Variants in DGLUCY observed in about 807,000 individuals in gnomAD.
The protein encoded by DGLUCY is D-glutamate cyclase, mitochondrial.
DGLUCY carries 58 observed loss-of-function variants against 58.5 expected under a neutral mutation model. That is an observed-to-expected ratio of 0.99 (90% CI 0.80 to 1.23). The LOEUF is 1.23. Among genes scored for constraint, DGLUCY ranks in the 50% most tolerant of loss-of-function variants. The pLI, the probability that DGLUCY is intolerant of heterozygous loss-of-function variation, is 0.00. For missense variants in DGLUCY, 779 were observed against 784.7 expected (o/e 0.99, Z 0.09); for synonymous variants, 325 against 314.1 (o/e 1.03, Z -0.37).
chr14:91,076,343 C>G (rs1410281895), intron 1 of DGLUCY, among the ~76,000 whole-genome samples: 2 of 152,144 alleles, frequency 1.3e-5, no homozygotes, highest in African/African-American at 2.4e-5. Context: ...TGCACATCCT[C>G]TCATGTACTT....
intron 1 of DGLUCY, among the ~76,000 whole-genome samples, chr14:91,146,158 C>T (rs1379959752): frequency 6.6e-6 from 1 of 152,216 alleles, no homozygotes; most frequent in Admixed American, 6.5e-5. Context: ...AGGCGTGTAC[C>T]ACCATGCCTG....
chr14:91,081,723 T>TTTTTA (rs1322493003), intron 1 of DGLUCY, among the ~76,000 whole-genome samples: 1 of 151,906 alleles, frequency 6.6e-6, no homozygotes, highest in Non-Finnish European at 1.5e-5. Flanking sequence ...TGTTTCTTTA[T>TTTTTA]TTTTATTTTA....
At chr14:91,201,683 A>G (rs11848046) in intron 11 of DGLUCY, among the ~76,000 whole-genome samples, 21,379 of 152,000 alleles carry the variant, frequency 0.14, 2,093 homozygotes, top group African/African-American at 0.28. Flanking sequence ...AGCTCAAGCT[A>G]TCTTCCCACC....
chr14:91,199,519 C>T (rs1030821365), intron 10 of DGLUCY, among the ~76,000 whole-genome samples: 1 of 152,140 alleles, frequency 6.6e-6, no homozygotes, highest in Non-Finnish European at 1.5e-5. Flanking sequence ...TCCCAAACTG[C>T]TGGGATTATA....
intron 1 of DGLUCY, among the ~76,000 whole-genome samples, chr14:91,068,113 A>C (rs867017959): frequency 6.9e-6 from 1 of 145,304 alleles, no homozygotes; most frequent in African/African-American, 2.8e-5. Context: ...ACACACACAC[A>C]CACCCCTTGC....
At chr14:91,104,231 T>C (rs992689251), upstream of DGLUCY, among the ~76,000 whole-genome samples, 1 of 150,786 alleles carries the variant, frequency 6.6e-6, no homozygotes, top group Admixed American at 6.6e-5. Flanking sequence ...CCCGGCTAAT[T>C]TTTTGTATTT....
At chr14:91,110,327 A>G (rs569288819), upstream of DGLUCY, among the ~76,000 whole-genome samples, 21 of 152,366 alleles carry the variant, frequency 1.4e-4, no homozygotes, top group Admixed American at 7.2e-4. Flanking sequence ...GCCTTAAGAA[A>G]AAATGGAAAA....
intron 1 of DGLUCY, among the ~76,000 whole-genome samples, chr14:91,146,734 G>A (rs896061593): frequency 6.6e-6 from 1 of 152,196 alleles, no homozygotes; most frequent in Non-Finnish European, 1.5e-5. Context: ...GCCCATGAGA[G>A]CAATCTTGAG....
chr14:91,135,580 G>A (rs1310285204), intron 1 of DGLUCY, among the ~76,000 whole-genome samples: 7 of 148,590 alleles, frequency 4.7e-5, no homozygotes, highest in Non-Finnish European at 7.4e-5. Flanking sequence ...AACCTGGGAG[G>A]CAGAGGTTGC....
At chr14:91,158,677 G>A (rs2047797064) in intron 2 of DGLUCY, among the ~76,000 whole-genome samples, 1 of 152,138 alleles carries the variant, frequency 6.6e-6, no homozygotes, top group African/African-American at 2.4e-5. Context: ...TCTGCAGTCA[G>A]CTAGTCATCC....
rs756245926 is a variant in DGLUCY at position 91,224,763 on chromosome 14, G to T, written c.1796G>T (p.Gly599Val). Residue 599 changes from glycine (G) to valine (V), a missense_variant, in exon 14 of 14, where the codon GGG becomes GTG. Coordinates refer to ENST00000256324, the MANE Select transcript of DGLUCY (RefSeq NM_001102368.3). ...VSGIVGMEVDGLPFHNTHAEM... is the reference protein window; with the variant it reads ...VSGIVGMEVDVLPFHNTHAEM... Reference sequence around the variant, plus strand: ...GGCATCGTGGGCATGGAGGTGGATGGGCTGCCCTTCCACAACACCCACGCC... The same window carrying T: ...GGCATCGTGGGCATGGAGGTGGATGTGCTGCCCTTCCACAACACCCACGCC... The T allele has an allele frequency of 6.2e-7, 1 of 1,613,734 alleles. No individual in the cohort carries two copies. The highest frequency in any genetic ancestry group is 8.5e-7 in the Non-Finnish European group (1 of 1,179,786).
At chr14:91,102,477 C>T (rs1357866963) in intron 1 of DGLUCY, among the ~76,000 whole-genome samples, 1 of 152,120 alleles carries the variant, frequency 6.6e-6, no homozygotes, top group Non-Finnish European at 1.5e-5. Context: ...TGCTGCCACC[C>T]CCTCCTCCTC....
intron 2 of DGLUCY, among the ~76,000 whole-genome samples, 158 bp downstream of exon 2, chr14:91,157,848 A>G (rs937498126): frequency 9.2e-5 from 14 of 152,212 alleles, no homozygotes; most frequent in African/African-American, 3.4e-4. Flanking sequence ...TTACATTTAC[A>G]TTAAAACAGT....
intron 1 of DGLUCY, among the ~76,000 whole-genome samples, chr14:91,074,104 A>AAAT (rs1555388266): frequency 1.0e-5 from 1 of 96,066 alleles, no homozygotes; most frequent in East Asian, 2.9e-4. Flanking sequence ...AAAAAAAAAA[A>AAAT]ATATATATAT....
intron 1 of DGLUCY, among the ~76,000 whole-genome samples, chr14:91,140,381 T>G (rs1223911153): frequency 1.3e-5 from 2 of 152,060 alleles, no homozygotes; most frequent in African/African-American, 4.8e-5. Context: ...CTAAAGAAAA[T>G]AATTTATGGG....
intron 12 of DGLUCY, among the ~76,000 whole-genome samples, chr14:91,212,478 A>G (rs562103131): frequency 1.3e-5 from 2 of 152,342 alleles, no homozygotes; most frequent in African/African-American, 4.8e-5. Context: ...TATGTAAGGC[A>G]TTTACAACAG....
chr14:91,145,960 C>G (rs2046992605), intron 1 of DGLUCY, among the ~76,000 whole-genome samples: 1 of 152,146 alleles, frequency 6.6e-6, no homozygotes, highest in African/African-American at 2.4e-5. Context: ...CTCACAGCAG[C>G]CTTGACCTCT....
At chr14:91,142,194 C>A (rs2046736331) in intron 1 of DGLUCY, among the ~76,000 whole-genome samples, 1 of 152,146 alleles carries the variant, frequency 6.6e-6, no homozygotes, top group African/African-American at 2.4e-5. Context: ...AGAGCTGGAG[C>A]TTGGCATTCA....
At chr14:91,128,118 C>G (rs1004617155) in intron 1 of DGLUCY, among the ~76,000 whole-genome samples, 3 of 151,944 alleles carry the variant, frequency 2.0e-5, no homozygotes, top group Non-Finnish European at 4.4e-5. Context: ...CTGTCATTTG[C>G]AAAACCCTGC....
Sources: gnomAD v4.1 joint callset for allele counts (sites outside exome capture counted in the v4.1 genomes callset) on GRCh38, gnomAD v4.1.1 for gene constraint, MANE v1.5 for transcripts, NCBI Gene and HGNC (gene_info 2026-07-23, HGNC 2026-07-21) for gene names.